Variants in UVRAG observed in about 807,000 individuals in gnomAD.
The protein encoded by UVRAG is UV radiation resistance-associated gene protein.
In UVRAG, 19 loss-of-function variants were observed where a neutral mutation model predicts 78.0. The ratio of observed to expected loss-of-function variants is 0.24; its 90% CI spans 0.17 to 0.36. UVRAG has a LOEUF of 0.36. UVRAG is among the 10% of genes least tolerant of loss of function. The pLI is 1.00. For missense variants in UVRAG, 740 were observed against 853.8 expected (o/e 0.87, Z 1.66); for synonymous variants, 323 against 324.6 (o/e 1.00, Z 0.05).
At chr11:75,838,371 C>A (rs1317028259) in intron 1 of UVRAG, among the ~76,000 whole-genome samples, 2 of 151,296 alleles carry the variant, frequency 1.3e-5, no homozygotes, top group Admixed American at 1.3e-4. Context: ...AGAATCTTAC[C>A]CTGCTGCCCA....
At chr11:75,981,859 C>A (rs1297769733) in intron 7 of UVRAG, among the ~76,000 whole-genome samples, 3 of 151,612 alleles carry the variant, frequency 2.0e-5, no homozygotes, top group African/African-American at 4.9e-5. Context: ...ATTTTTTGTT[C>A]TAAAATTTCC....
intron 2 of UVRAG, among the ~76,000 whole-genome samples, chr11:75,857,216 C>T (rs1239954422): frequency 6.6e-6 from 1 of 152,228 alleles, no homozygotes; most frequent in Non-Finnish European, 1.5e-5. Flanking sequence ...TCAAAACCCT[C>T]CCATGGCTTC....
chr11:76,006,380 C>T (rs1430656346), intron 9 of UVRAG, among the ~76,000 whole-genome samples: 3 of 151,984 alleles, frequency 2.0e-5, no homozygotes, highest in African/African-American at 7.3e-5. Flanking sequence ...AGAGCTGGTG[C>T]CAGGCAAGGT....
intron 1 of UVRAG, among the ~76,000 whole-genome samples, chr11:75,838,784 G>GTA (rs1349380111): frequency 1.3e-5 from 2 of 152,208 alleles, no homozygotes; most frequent in African/African-American, 4.8e-5. Flanking sequence ...GTATTGAGAG[G>GTA]TAGGGTCTTT....
At chr11:75,906,364 G>C (rs1438464919) in intron 5 of UVRAG, among the ~76,000 whole-genome samples, 8 of 150,958 alleles carry the variant, frequency 5.3e-5, no homozygotes, top group Non-Finnish European at 1.2e-4. Flanking sequence ...TTGTTTGTTT[G>C]GAGATAGAGT....
chr11:76,055,483 C>A (rs1357285475), intron 12 of UVRAG, among the ~76,000 whole-genome samples: 1 of 152,150 alleles, frequency 6.6e-6, no homozygotes, highest in East Asian at 1.9e-4. Flanking sequence ...ATACACCCAC[C>A]ACCTAGATTC....
chr11:75,815,546 C>A (rs1213395921), intron 1 of UVRAG, 22 bp downstream of exon 1: 2 of 1,220,248 alleles, frequency 1.6e-6, no homozygotes, highest in Non-Finnish European at 2.0e-6. Flanking sequence ...CGGCTCGCAG[C>A]ACTCGGGAGG....
chr11:76,132,809 A>C (rs1485505255), intron 14 of UVRAG, among the ~76,000 whole-genome samples: 1 of 152,164 alleles, frequency 6.6e-6, no homozygotes, highest in Non-Finnish European at 1.5e-5. Context: ...AATCCACTTA[A>C]CCTAAAAATT....
At chr11:75,976,035 T>C (rs1396041134) in intron 7 of UVRAG, among the ~76,000 whole-genome samples, 1 of 152,090 alleles carries the variant, frequency 6.6e-6, no homozygotes, top group South Asian at 2.1e-4. Context: ...TTTTGAGATA[T>C]GTCCCATCAA....
intron 7 of UVRAG, among the ~76,000 whole-genome samples, chr11:75,967,594 T>C (rs1425395266): frequency 2.0e-5 from 3 of 152,228 alleles, no homozygotes; most frequent in Non-Finnish European, 1.5e-5. Context: ...TCTCAAGACC[T>C]CTTTGTACCC....
chr11:75,961,644 G>GT, intron 7 of UVRAG, 95 bp downstream of exon 7: 1 of 897,460 alleles, frequency 1.1e-6, no homozygotes, highest in Non-Finnish European at 1.6e-6. Context: ...GCTTTAGATC[G>GT]TTTTTATCTT....
chr11:76,086,298 G>T (rs1386133880), intron 13 of UVRAG, among the ~76,000 whole-genome samples: 3 of 152,122 alleles, frequency 2.0e-5, no homozygotes, highest in African/African-American at 7.2e-5. Flanking sequence ...CCTAAAGTGG[G>T]TATTGGATTT....
intron 1 of UVRAG, chr11:75,835,452 T>A (rs1425183931): frequency 1.3e-5 from 2 of 152,194 alleles, no homozygotes; most frequent in African/African-American, 2.4e-5. Context: ...CAACTCTAGG[T>A]GGTTCTACCA....
At chr11:76,059,721 A>C (rs1262192023) in intron 12 of UVRAG, among the ~76,000 whole-genome samples, 1 of 152,204 alleles carries the variant, frequency 6.6e-6, no homozygotes, top group Non-Finnish European at 1.5e-5. Context: ...GAAGCACTGC[A>C]TATGTAAAAG....
chr11:76,039,968 C>T (rs1318174031), intron 12 of UVRAG, among the ~76,000 whole-genome samples: 1 of 152,092 alleles, frequency 6.6e-6, no homozygotes, highest in Non-Finnish European at 1.5e-5. Flanking sequence ...CACAAAAGTT[C>T]TGAATAAATG....
At chr11:76,112,066 T>G (rs1364543664) in intron 13 of UVRAG, among the ~76,000 whole-genome samples, 2 of 151,688 alleles carry the variant, frequency 1.3e-5, no homozygotes, top group African/African-American at 2.4e-5. Flanking sequence ...ATTGAAAGGA[T>G]GTACTAAGTG....
rs1948431464 is a variant in UVRAG, at chr11:75,938,933, G to C, written c.594-22511G>C. Among the ~76,000 whole-genome samples the C allele has an allele frequency of 3.3e-5, 5 of 152,050 alleles. No individual in the cohort carries two copies. In the South Asian group the frequency reaches 1.0e-3, roughly 32 times the overall value. Reference sequence around the variant, plus strand: ...ACACTCAGGTAGACCACCTTATTCTGTTGGGATCCCCATCCCTACTCTGAA... The same window carrying C: ...ACACTCAGGTAGACCACCTTATTCTCTTGGGATCCCCATCCCTACTCTGAA... On this transcript the variant is annotated intron_variant, in intron 6 of 14. Coordinates refer to ENST00000356136, the MANE Select transcript of UVRAG (RefSeq NM_003369.4).
intron 12 of UVRAG, among the ~76,000 whole-genome samples, chr11:76,025,364 G>T (rs755622110): frequency 5.9e-5 from 9 of 152,184 alleles, no homozygotes; most frequent in Non-Finnish European, 1.0e-4. Flanking sequence ...GAATGGATTA[G>T]TGAAACAAGC....
At chr11:75,907,698 T>A (rs972578457) in intron 5 of UVRAG, among the ~76,000 whole-genome samples, 8 of 131,134 alleles carry the variant, frequency 6.1e-5, no homozygotes, top group Non-Finnish European at 1.2e-4. Flanking sequence ...ATTAAAACAA[T>A]TTTTTTTTTT....
Sources: gnomAD v4.1 joint callset for allele counts (sites outside exome capture counted in the v4.1 genomes callset) on GRCh38, gnomAD v4.1.1 for gene constraint, MANE v1.5 for transcripts, NCBI Gene and HGNC (gene_info 2026-07-23, HGNC 2026-07-21) for gene names.